ARHGAP24: variants seen among roughly 807,000 people sequenced by gnomAD.
ARHGAP24 encodes rho GTPase-activating protein 24.
A neutral mutation model predicts 76.4 loss-of-function variants in ARHGAP24; 50 were observed. The ratio of observed to expected loss-of-function variants is 0.65; its 90% CI spans 0.52 to 0.83. The LOEUF (loss-of-function observed/expected upper bound fraction) is 0.83, where lower values mean the gene tolerates loss of function less well. ARHGAP24 is among the 40% of genes least tolerant of loss of function. The probability of loss-of-function intolerance (pLI) is 0.00; values close to 1 mark genes in which losing one functional copy is unlikely to be tolerated. For synonymous variants in ARHGAP24, 345 were observed against 323.3 expected, an observed-to-expected ratio of 1.07 and a Z score of -0.72; for missense variants, 930 against 914.2, an observed-to-expected ratio of 1.02 and a Z score of -0.22.
At chr4:85,911,594 T>G (rs1413324587) in intron 3 of ARHGAP24, among the ~76,000 whole-genome samples, 5 of 152,218 alleles carry the variant, frequency 3.3e-5, no homozygotes, top group Admixed American at 3.3e-4. Flanking sequence ...ACATTGTGCC[T>G]TATTTTGCTA....
At chr4:85,857,430 C>T (rs535220878) in intron 3 of ARHGAP24, among the ~76,000 whole-genome samples, 2 of 152,234 alleles carry the variant, frequency 1.3e-5, no homozygotes, top group Non-Finnish European at 1.5e-5. Flanking sequence ...ACATACATAC[C>T]ATTGCTCACT....
At chr4:85,995,781 C>G (rs1740627468) in intron 9 of ARHGAP24, 124 bp downstream of exon 9, 2 of 930,778 alleles carry the variant, frequency 2.1e-6, no homozygotes, top group African/African-American at 3.3e-5. Context: ...TTTGCTCCAT[C>G]ATTTATGAGC....
intron 1 of ARHGAP24, among the ~76,000 whole-genome samples, chr4:85,569,812 T>A (rs1202796364): frequency 3.3e-5 from 5 of 152,240 alleles, no homozygotes; most frequent in Non-Finnish European, 2.9e-5. Flanking sequence ...TTCACCTATG[T>A]AAGACAAATG....
chr4:85,499,753 A>G (rs576892536), intron 1 of ARHGAP24, among the ~76,000 whole-genome samples: 1 of 152,232 alleles, frequency 6.6e-6, no homozygotes, highest in South Asian at 2.1e-4. Flanking sequence ...ATAGAGACTC[A>G]TCTAGGTCTG....
At chr4:85,762,018 C>T (rs1028693726) in intron 3 of ARHGAP24, among the ~76,000 whole-genome samples, 9 of 152,186 alleles carry the variant, frequency 5.9e-5, no homozygotes, top group Non-Finnish European at 1.2e-4. Context: ...TTTTTAAGAA[C>T]TCAGCCAGTT....
At chr4:85,740,596 T>C (rs1323442339) in intron 3 of ARHGAP24, among the ~76,000 whole-genome samples, 2 of 152,226 alleles carry the variant, frequency 1.3e-5, no homozygotes, top group Admixed American at 1.3e-4. Flanking sequence ...TTTTACCTGT[T>C]TTATTTACTG....
At chr4:85,868,163 A>T (rs1732314228) in intron 3 of ARHGAP24, among the ~76,000 whole-genome samples, 1 of 152,074 alleles carries the variant, frequency 6.6e-6, no homozygotes. Context: ...GAGTTTCCAG[A>T]TCATACGTGG....
chr4:85,514,383 A>G (rs1724405115), intron 1 of ARHGAP24, among the ~76,000 whole-genome samples: 1 of 151,284 alleles, frequency 6.6e-6, no homozygotes, highest in Non-Finnish European at 1.5e-5. Flanking sequence ...ATCTACTTTC[A>G]CTTTCCTGTC....
At chr4:85,541,553 A>AGAATTTT in intron 1 of ARHGAP24, among the ~76,000 whole-genome samples, 10 of 152,042 alleles carry the variant, frequency 6.6e-5, no homozygotes, top group African/African-American at 2.4e-4. Context: ...TCTTTAGCTT[A>AGAATTTT]ACATAATTTT....
At chr4:85,880,517 TTTTGTGTG>T (rs1355587470) in intron 3 of ARHGAP24, among the ~76,000 whole-genome samples, 2 of 22,596 alleles carry the variant, frequency 8.9e-5, no homozygotes, top group South Asian at 3.5e-3. Context: ...AATGCATAAC[TTTTGTGTG>T]TGTGTGTGTG....
chr4:85,560,920 A>G (rs907382108), intron 1 of ARHGAP24, among the ~76,000 whole-genome samples: 2 of 152,214 alleles, frequency 1.3e-5, no homozygotes, highest in African/African-American at 4.8e-5. Flanking sequence ...TACAGTACTC[A>G]GGATCTTTGA....
chr4:85,562,295 C>G (rs1207968640), intron 1 of ARHGAP24, among the ~76,000 whole-genome samples: 1 of 152,052 alleles, frequency 6.6e-6, no homozygotes, highest in Non-Finnish European at 1.5e-5. Context: ...TCAAGGAAAG[C>G]GATGTGATTA....
chr4:85,957,292 G>A (rs575431829), intron 5 of ARHGAP24, among the ~76,000 whole-genome samples: 1 of 152,220 alleles, frequency 6.6e-6, no homozygotes, highest in South Asian at 2.1e-4. Context: ...GGGTAAAAGG[G>A]AATTTATATA....
intron 3 of ARHGAP24, among the ~76,000 whole-genome samples, chr4:85,746,322 G>GA (rs1223799045): frequency 1.3e-5 from 2 of 152,074 alleles, no homozygotes; most frequent in Non-Finnish European, 2.9e-5. Context: ...TCCTTCTTTT[G>GA]AGTATCTGAC....
chr4:85,502,041 G>A (rs551696911), intron 1 of ARHGAP24, among the ~76,000 whole-genome samples: 27 of 152,124 alleles, frequency 1.8e-4, no homozygotes, highest in East Asian at 1.5e-3. Context: ...GTAGATATGC[G>A]GTGATATTTA....
chr4:85,476,567 A>G (rs541414030), intron 1 of ARHGAP24, among the ~76,000 whole-genome samples: 188 of 152,312 alleles, frequency 1.2e-3, no homozygotes, highest in Middle Eastern at 0.01. Flanking sequence ...ATGTGTTGCT[A>G]TGTCTACTAA....
chr4:85,931,481 C>G (rs1435630718), intron 4 of ARHGAP24, among the ~76,000 whole-genome samples: 1 of 152,114 alleles, frequency 6.6e-6, no homozygotes, highest in Non-Finnish European at 1.5e-5. Flanking sequence ...CCTCACCTCC[C>G]CTGTTGAGAA....
At chr4:85,516,997 C>G (rs1724533722) in intron 1 of ARHGAP24, among the ~76,000 whole-genome samples, 1 of 152,176 alleles carries the variant, frequency 6.6e-6, no homozygotes, top group African/African-American at 2.4e-5. Flanking sequence ...TAATAGCTTT[C>G]CAGTTTCCCC....
At chr4:85,985,921 T>C (rs1039754584) in intron 8 of ARHGAP24, among the ~76,000 whole-genome samples, 3 of 152,196 alleles carry the variant, frequency 2.0e-5, no homozygotes, top group African/African-American at 7.2e-5. Flanking sequence ...TTTATTTCAT[T>C]TCAGTAAAAA....
Sources: allele counts gnomAD v4.1 joint callset (sites outside exome capture counted in the v4.1 genomes callset), GRCh38; gene constraint gnomAD v4.1.1; transcripts MANE v1.5; gene names NCBI Gene and HGNC (gene_info 2026-07-23, HGNC 2026-07-21).